The following CDK19 variants were observed in gnomAD, a reference collection of about 807,000 sequenced individuals.
CDK19 encodes the protein cyclin-dependent kinase 19.
In CDK19, 20 loss-of-function variants were observed where a neutral mutation model predicts 68.3. The ratio of observed to expected loss-of-function variants is 0.29; its 90% CI spans 0.21 to 0.43. The LOEUF is 0.43. Ranked by LOEUF, CDK19 falls within the 20% of genes least tolerant of loss-of-function variation. The pLI, the probability that CDK19 is intolerant of heterozygous loss-of-function variation, is 1.00. For missense variants in CDK19, 339 were observed against 623.5 expected (o/e 0.54, Z 4.86); for synonymous variants, 221 against 222.8 (o/e 0.99, Z 0.07).
chr6:110,640,849 T>C lies in CDK19; in HGVS notation c.457-2143A>G, dbSNP rs564184480. On this transcript the variant is annotated intron_variant, in intron 4 of 12. Transcript: ENST00000368911. ...GCACATGCCTGTGGTCCCAGCTACTTGGGAGGCTGAGGTGAGAGGACTGCT... is the reference window on the plus strand; with the variant it reads ...GCACATGCCTGTGGTCCCAGCTACTCGGGAGGCTGAGGTGAGAGGACTGCT... Among the ~76,000 whole-genome samples, 17 of 152,080 alleles carry C rather than the reference T, an allele frequency of 1.1e-4. No homozygotes were observed. In the East Asian group the frequency reaches 3.3e-3, roughly 30 times the overall value.
In CDK19 at chr6:110,723,851, C is replaced by T. The variant is rs577132172; in HGVS notation, c.204+22275G>A. Among the ~76,000 whole-genome samples the T allele has an allele frequency of 3.3e-3, 496 of 152,234 alleles. 5 individuals carry two copies. Among genetic ancestry groups the T allele is most frequent in the Non-Finnish European group, 5.2e-3 (352 of 68,010 alleles). ...GTATTAGAATATTCTCATCGCTTCT[C>T]GGCCTTTTGGCTAAGATCAAGTGTA... is the stretch of plus-strand genomic sequence containing the variant. On this transcript the variant is annotated intron_variant, in intron 2 of 12. Coordinates refer to ENST00000368911, the MANE Select transcript of CDK19 (RefSeq NM_015076.5).
chr6:110,736,069 T>C (rs553144538), intron 2 of CDK19, among the ~76,000 whole-genome samples: 64 of 152,084 alleles, frequency 4.2e-4, no homozygotes, highest in Non-Finnish European at 7.5e-4. Flanking sequence ...CAGCCAGGCG[T>C]GGTAGTTCAC....
chr6:110,784,051 C>T (rs748198176), intron 1 of CDK19, among the ~76,000 whole-genome samples: 1 of 148,784 alleles, frequency 6.7e-6, no homozygotes, highest in Non-Finnish European at 1.5e-5. Flanking sequence ...ATCAGCTACT[C>T]GGGAGGCTGA....
intron 1 of CDK19, among the ~76,000 whole-genome samples, chr6:110,772,459 T>C (rs577711906): frequency 6.6e-6 from 1 of 151,762 alleles, no homozygotes; most frequent in African/African-American, 2.4e-5. Context: ...CGAGGAGATA[T>C]GGGTGGGGAC....
At chr6:110,615,137 A>C (rs1202508375) in intron 12 of CDK19, among the ~76,000 whole-genome samples, 1 of 152,228 alleles carries the variant, frequency 6.6e-6, no homozygotes, top group African/African-American at 2.4e-5. Context: ...GGGTTTTCAG[A>C]GGTAGAAGCT....
At chr6:110,700,351 G>A (rs988526693) in intron 2 of CDK19, among the ~76,000 whole-genome samples, 14 of 152,100 alleles carry the variant, frequency 9.2e-5, no homozygotes, top group South Asian at 8.3e-4. Flanking sequence ...CCCGAACCCC[G>A]GTATGTGAAA....
intron 1 of CDK19, among the ~76,000 whole-genome samples, chr6:110,769,556 T>G (rs1162480427): frequency 6.8e-6 from 1 of 147,464 alleles, no homozygotes; most frequent in Non-Finnish European, 1.5e-5. Context: ...GAGAGCAAGA[T>G]TCCATCTCAA....
At chr6:110,764,622 G>T (rs1483632903) in intron 1 of CDK19, among the ~76,000 whole-genome samples, 1 of 152,082 alleles carries the variant, frequency 6.6e-6, no homozygotes, top group East Asian at 1.9e-4. Context: ...ACTCAAAATG[G>T]ACTGCTGACT....
chr6:110,815,260 G>T lies in CDK19; in HGVS notation c.-124C>A. The T allele has an allele frequency of 9.8e-7, 1 of 1,022,938 alleles. No homozygotes were observed. The highest frequency in any genetic ancestry group is 1.3e-6 in the Non-Finnish European group (1 of 781,716). 63.4% of individuals were successfully genotyped at this position (1,022,938 alleles called of 1,614,324 possible). A position where few individuals can be genotyped will look rare whatever the true frequency, so the allele number is the denominator to read the frequency against. On this transcript the variant is annotated 5_prime_UTR_variant, in exon 1 of 13. Coordinates refer to ENST00000368911, the MANE Select transcript of CDK19 (RefSeq NM_015076.5). ...CGCCTCTCGCGCGCGCGCGCGCGCC[G>T]CCCGCCGCCCGCCGCTCCGCGGTCC...
At chr6:110,809,880 ATATG>A (rs1253140616) in intron 1 of CDK19, among the ~76,000 whole-genome samples, 1 of 152,234 alleles carries the variant, frequency 6.6e-6, no homozygotes. Flanking sequence ...GTGACTTTAC[ATATG>A]TAAGAACAAA....
intron 4 of CDK19, chr6:110,646,493 G>A: frequency 1.4e-6 from 2 of 1,434,440 alleles, no homozygotes; most frequent in South Asian, 2.8e-5. Context: ...CTCGTTCTGT[G>A]CCAGCGTGGT....
Position 110,734,878 on chromosome 6 carries a change from T to C in CDK19, c.204+11248A>G, listed in dbSNP as rs1320849604. ...AGCACAATGCCTAGATTATAATAGA[T>C]ACTCAAATATTAAATGCAAAATTAA... On this transcript the variant is annotated intron_variant, in intron 2 of 12. Transcript: ENST00000368911. Among the ~76,000 whole-genome samples the C allele has an allele frequency of 5.3e-5, 8 of 152,188 alleles. No homozygotes were observed. In the East Asian group the frequency reaches 9.6e-4, roughly 18 times the overall value.
chr6:110,703,940 ATTAAAG>A (rs1204211328), intron 2 of CDK19, among the ~76,000 whole-genome samples: 6 of 152,234 alleles, frequency 3.9e-5, no homozygotes, highest in South Asian at 2.1e-4. Context: ...TAAGCTTGAA[ATTAAAG>A]TTAGAGTGTT....
intron 2 of CDK19, among the ~76,000 whole-genome samples, chr6:110,694,302 T>TATGCAAAAGGAAACTATGTTTCC (rs145878850): frequency 2.4e-4 from 37 of 152,232 alleles, no homozygotes; most frequent in East Asian, 3.9e-4. Context: ...TAGAAAAAGA[T>TATGCAAAAGGAAACTATGTTTCC]ATGCAAAAGG....
chr6:110,681,893 A>G (rs1234706819), intron 2 of CDK19, among the ~76,000 whole-genome samples: 2 of 152,206 alleles, frequency 1.3e-5, no homozygotes, highest in Non-Finnish European at 1.5e-5. Flanking sequence ...CTTTCAAAGC[A>G]TGTAAGTAGC....
At chr6:110,754,029 A>T (rs3014324) in intron 1 of CDK19, among the ~76,000 whole-genome samples, 5,335 of 148,012 alleles carry the variant, frequency 0.036, 302 homozygotes, top group African/African-American at 0.13. Flanking sequence ...AAAATTGGCA[A>T]ATTCTTTTTT....
At chr6:110,646,532 C>T in intron 4 of CDK19, 1 of 1,257,016 alleles carries the variant, frequency 8.0e-7, no homozygotes, top group Non-Finnish European at 1.1e-6. Context: ...GCGCCTCCAC[C>T]TGCAACAGGT....
chr6:110,682,042 G>A (rs904322613), intron 2 of CDK19, among the ~76,000 whole-genome samples: 2 of 152,162 alleles, frequency 1.3e-5, no homozygotes, highest in African/African-American at 4.8e-5. Flanking sequence ...GTATTTTTAT[G>A]TATACATCTT....
At chr6:110,680,730 C>T (rs1442269578) in intron 2 of CDK19, among the ~76,000 whole-genome samples, 1 of 152,188 alleles carries the variant, frequency 6.6e-6, no homozygotes, top group Non-Finnish European at 1.5e-5. Flanking sequence ...GGTGCAGTGG[C>T]TCACACCTGT....
Sources: gnomAD v4.1 joint callset for allele counts (sites outside exome capture counted in the v4.1 genomes callset) on GRCh38, gnomAD v4.1.1 for gene constraint, MANE v1.5 for transcripts, NCBI Gene and HGNC (gene_info 2026-07-23, HGNC 2026-07-21) for gene names.